Variants in MTMR3 observed in about 807,000 individuals in gnomAD.
MTMR3 encodes myotubularin related protein 3.
A neutral mutation model predicts 132.4 loss-of-function variants in MTMR3; 32 were observed. The ratio of observed to expected loss-of-function variants is 0.24; its 90% CI spans 0.18 to 0.32. The LOEUF (loss-of-function observed/expected upper bound fraction) is 0.32, where lower values mean the gene tolerates loss of function less well. MTMR3 is among the 10% of genes least tolerant of loss of function. MTMR3 has a pLI of 1.00. For synonymous variants in MTMR3, 556 were observed against 550.3 expected (o/e 1.01, Z -0.14); for missense variants, 1,216 against 1,489.6 (o/e 0.82, Z 3.02).
intron 1 of MTMR3, among the ~76,000 whole-genome samples, chr22:29,923,367 C>T (rs1003079064): frequency 2.0e-5 from 3 of 151,528 alleles, no homozygotes; most frequent in Admixed American, 1.3e-4. Context: ...CCACTGTGCC[C>T]AGCTTGTATT....
chr22:29,976,961 T>A (rs2066641357), intron 3 of MTMR3, among the ~76,000 whole-genome samples: 1 of 152,152 alleles, frequency 6.6e-6, no homozygotes, highest in African/African-American at 2.4e-5. Flanking sequence ...CTTAATGCTG[T>A]CAGTTGAACA....
At chr22:29,948,416 T>C (rs1054294697) in intron 1 of MTMR3, among the ~76,000 whole-genome samples, 4 of 152,212 alleles carry the variant, frequency 2.6e-5, no homozygotes, top group Non-Finnish European at 4.4e-5. Flanking sequence ...ATTCTTATAC[T>C]GATAAGCAGT....
chr22:30,020,853 T>C lies in MTMR3; in HGVS notation c.3194T>C (p.Leu1065Pro). Residue 1065 changes from leucine (L) to proline (P), a missense_variant, in exon 17 of 20, where the codon CTA (leucine) becomes CCA (proline). Physicochemically the swap from Leu to Pro is moderately conservative, Grantham distance 98 (BLOSUM62 -3). This residue lies in a region of MTMR3 where 852 missense variants were observed against 852.0 expected (regional missense o/e 1.00). Transcript: ENST00000401950. The part of the protein sequence containing the change: ...RLESQYLTSS[L>P]HFNGDFGDEV... Reference sequence around the variant, plus strand: ...GAGAGCCAGTACCTGACCAGCTCCCTACACTTTAATGGAGACTTTGGGGAT... The same window carrying C: ...GAGAGCCAGTACCTGACCAGCTCCCCACACTTTAATGGAGACTTTGGGGAT... 1 of 1,601,408 alleles carries C rather than the reference T, an allele frequency of 6.2e-7. No homozygotes were observed. Among genetic ancestry groups the C allele is most frequent in the Admixed American group, 1.7e-5 (1 of 57,782 alleles).
intron 1 of MTMR3, among the ~76,000 whole-genome samples, chr22:29,900,558 A>G (rs1386680069): frequency 2.0e-5 from 3 of 152,094 alleles, no homozygotes; most frequent in Non-Finnish European, 2.9e-5. Flanking sequence ...GCCAGGCACT[A>G]CCCTGTGATT....
intron 2 of MTMR3, among the ~76,000 whole-genome samples, chr22:29,966,654 C>T (rs1248766076): frequency 1.3e-5 from 2 of 151,942 alleles, no homozygotes; most frequent in East Asian, 3.9e-4. Flanking sequence ...GATTCTTTCC[C>T]CTTACTTGCT....
At chr22:29,918,664 T>C (rs2065352865) in intron 1 of MTMR3, among the ~76,000 whole-genome samples, 1 of 152,254 alleles carries the variant, frequency 6.6e-6, no homozygotes, top group African/African-American at 2.4e-5. Context: ...ATTAAATATA[T>C]GTTGCTTTTT....
In MTMR3 at chr22:30,020,106, C is replaced by A; in HGVS notation, c.2447C>A (p.Ala816Glu). The part of the protein sequence containing the change: ...EEAVLPIPVD[A>E]KVGYGTSQSC... Reference sequence around the variant, plus strand: ...GCAGTTCTTCCAATCCCAGTAGATGCAAAAGTTGGCTATGGTACCTCACAG... The same window carrying A: ...GCAGTTCTTCCAATCCCAGTAGATGAAAAAGTTGGCTATGGTACCTCACAG... The change falls in exon 17 of 20, where the codon GCA becomes GAA. Residue 816 changes from alanine (A) to glutamate (E), a missense_variant. Physicochemically the swap from Ala to Glu is moderately radical, Grantham distance 107. Coordinates refer to ENST00000401950, the MANE Select transcript of MTMR3 (RefSeq NM_021090.4). The A allele has an allele frequency of 2.5e-6, 4 of 1,614,178 alleles. No individual in the cohort carries two copies. Among genetic ancestry groups the A allele is most frequent in the African/African-American group, 2.7e-5 (2 of 75,044 alleles).
At chr22:29,943,176 T>C (rs891966100) in intron 1 of MTMR3, among the ~76,000 whole-genome samples, 1 of 151,972 alleles carries the variant, frequency 6.6e-6, no homozygotes, top group African/African-American at 2.4e-5. Context: ...TCCGCAACAA[T>C]GATGTGTGTA....
At chr22:29,986,440 G>A (rs73398659) in intron 5 of MTMR3, 5,674 of 465,642 alleles carry the variant, frequency 0.012, 330 homozygotes, top group African/African-American at 0.11. Context: ...CTTCTAATCT[G>A]TCTTCTTAAT....
intron 1 of MTMR3, among the ~76,000 whole-genome samples, chr22:29,944,913 GT>G (rs2065923878): frequency 6.6e-6 from 1 of 152,162 alleles, no homozygotes; most frequent in African/African-American, 2.4e-5. Flanking sequence ...GTATAAATAG[GT>G]TCATTGCTGA....
At chr22:30,022,833 TCTGAAATTGGTGTTTGCAAAA>T in intron 19 of MTMR3, 136 bp downstream of exon 19, 1 of 759,858 alleles carries the variant, frequency 1.3e-6, no homozygotes, top group Non-Finnish European at 2.1e-6. Context: ...TTCCTGTGCC[TCTGAAATTGGTGTTTGCAAAA>T]CTGCATTTGG....
At chr22:29,929,667 G>T (rs1288647868) in intron 1 of MTMR3, among the ~76,000 whole-genome samples, 1 of 151,860 alleles carries the variant, frequency 6.6e-6, no homozygotes, top group Non-Finnish European at 1.5e-5. Flanking sequence ...GTGCCACCAT[G>T]CCCGGCTAAC....
rs143868662 is a variant in MTMR3 at position 30,019,971 on chromosome 22, G to A, written c.2312G>A (p.Gly771Glu). 1.9e-6 allele frequency: 3 copies of A among 1,614,064 alleles called. No individual in the cohort carries two copies. In the African/African-American group the frequency reaches 4.0e-5, roughly 22 times the overall value. Residue 771 changes from glycine to glutamate, a missense_variant, in exon 17 of 20, where the codon GGG (glycine) becomes GAG (glutamate). Coordinates refer to ENST00000401950, the MANE Select transcript of MTMR3 (RefSeq NM_021090.4). ...CAGGGCATTTCTGAACAGCAGAGTGGGCTCAGTGTTCTCCTCAGTTCTCTC... is the reference window on the plus strand; with the variant it reads ...CAGGGCATTTCTGAACAGCAGAGTGAGCTCAGTGTTCTCCTCAGTTCTCTC... ...FSQGISEQQS[G>E]LSVLLSSLQV...
chr22:29,884,625 C>T (rs958993986), intron 1 of MTMR3, among the ~76,000 whole-genome samples: 5 of 133,746 alleles, frequency 3.7e-5, no homozygotes, highest in Non-Finnish European at 7.7e-5. Context: ...TGCAGTAGTG[C>T]GATCTCTGCT....
intron 1 of MTMR3, among the ~76,000 whole-genome samples, chr22:29,945,505 G>C (rs1389554576): frequency 6.6e-6 from 1 of 151,652 alleles, no homozygotes; most frequent in African/African-American, 2.4e-5. Context: ...TTTGACACCA[G>C]CCTGGGTAAA....
chr22:29,957,415 GTATTTATTTATT>G (rs59964116), intron 2 of MTMR3, among the ~76,000 whole-genome samples: 5,392 of 147,070 alleles, frequency 0.037, 239 homozygotes, highest in African/African-American at 0.11. Context: ...ATCTCCAGTT[GTATTTATTTATT>G]TATTTATTTA....
At chr22:29,956,041 C>T (rs775726311) in intron 1 of MTMR3, among the ~76,000 whole-genome samples, 19 of 152,106 alleles carry the variant, frequency 1.2e-4, no homozygotes, top group Admixed American at 2.6e-4. Flanking sequence ...CATGAGCCAC[C>T]GCGCCTGGCC....
chr22:29,948,876 A>T (rs568903166), intron 1 of MTMR3, among the ~76,000 whole-genome samples: 4 of 151,386 alleles, frequency 2.6e-5, no homozygotes, highest in African/African-American at 9.7e-5. Context: ...AGGCTGAGGC[A>T]GGAGGATTGC....
intron 1 of MTMR3, among the ~76,000 whole-genome samples, chr22:29,908,982 CTT>C (rs67722380): frequency 1.4e-4 from 19 of 139,738 alleles, no homozygotes; most frequent in South Asian, 2.3e-4. Context: ...CTTTTCTTTT[CTT>C]TTTTTTTTTT....
Sources: gnomAD v4.1 joint callset for allele counts (sites outside exome capture counted in the v4.1 genomes callset) on GRCh38, gnomAD v4.1.1 for gene constraint, gnomAD v4.1.1 regional missense constraint, MANE v1.5 for transcripts, NCBI Gene and HGNC (gene_info 2026-07-23, HGNC 2026-07-21) for gene names.